INSL6: variants seen among roughly 807,000 people sequenced by gnomAD.
The protein encoded by INSL6 is insulin-like peptide INSL6.
A neutral mutation model predicts 9.4 loss-of-function variants in INSL6; 16 were observed. That is an observed-to-expected ratio of 1.70 (90% CI 1.15 to 2.59). The LOEUF (loss-of-function observed/expected upper bound fraction) is 2.59. INSL6 is among the 30% of genes most tolerant of loss of function. The pLI, the probability that INSL6 is intolerant of heterozygous loss-of-function variation, is 0.00. For missense variants in INSL6, 391 were observed against 257.3 expected, an observed-to-expected ratio of 1.52 and a Z score of -3.56; for synonymous variants, 154 against 96.9, an observed-to-expected ratio of 1.59 and a Z score of -3.46.
At chr9:5,174,721 G>A (rs985068895) in intron 1 of INSL6, among the ~76,000 whole-genome samples, 1 of 152,100 alleles carries the variant, frequency 6.6e-6, no homozygotes, top group Non-Finnish European at 1.5e-5. Context: ...TCAAACTCCA[G>A]ATTTATATAC....
chr9:5,098,425 A>G, the INSL6 span: 2 of 152,202 alleles, frequency 1.3e-5, no homozygotes, highest in Non-Finnish European at 2.9e-5. Context: ...CCACGTTCTT[A>G]TAATTATTTT....
chr9:5,097,542 AACAGAC>A, the INSL6 span: 2 of 152,144 alleles, frequency 1.3e-5, no homozygotes, highest in African/African-American at 4.8e-5. Context: ...TTACAGTAGG[AACAGAC>A]ATAGACACAG....
chr9:5,112,549 G>A, the INSL6 span: 3 of 605,570 alleles, frequency 5.0e-6, no homozygotes, highest in East Asian at 3.0e-5. Context: ...GAAGCAGGTG[G>A]CCAATAACGC....
the INSL6 span, chr9:5,096,890 TGGG>T: frequency 6.6e-6 from 1 of 152,170 alleles, no homozygotes; most frequent in Non-Finnish European, 1.5e-5. Context: ...CAATTATAAT[TGGG>T]GGTTTCGGCA....
At chr9:5,121,679 A>C (rs1331460119), downstream of INSL6, among the ~76,000 whole-genome samples, 3 of 152,214 alleles carry the variant, frequency 2.0e-5, no homozygotes, top group African/African-American at 7.2e-5. Flanking sequence ...CATACACTTC[A>C]AAAAGACAAA....
chr9:5,090,972 G>T, the INSL6 span: 1 of 1,069,040 alleles, frequency 9.4e-7, no homozygotes. Context: ...CTTTATTGTT[G>T]TTATTTAATA....
At chr9:5,155,089 T>C (rs1044994106) in intron 2 of INSL6, among the ~76,000 whole-genome samples, 6 of 151,508 alleles carry the variant, frequency 4.0e-5, no homozygotes, top group South Asian at 4.2e-4. Context: ...TGTCCAACAA[T>C]GATAGACTGG....
the INSL6 span, among the ~76,000 whole-genome samples, chr9:5,046,844 A>G: frequency 1.3e-5 from 2 of 152,114 alleles, no homozygotes; most frequent in South Asian, 4.1e-4. Context: ...CGGGTATATT[A>G]TTTCACCTGT....
the INSL6 span, among the ~76,000 whole-genome samples, chr9:4,996,178 G>T: frequency 6.6e-6 from 1 of 152,158 alleles, no homozygotes; most frequent in Non-Finnish European, 1.5e-5. Context: ...ATTTTAGAGG[G>T]TCAAATTTAG....
chr9:5,037,531 A>G, the INSL6 span, among the ~76,000 whole-genome samples: 1 of 152,242 alleles, frequency 6.6e-6, no homozygotes, highest in Non-Finnish European at 1.5e-5. Flanking sequence ...GCAGCCATGA[A>G]AAATGATGAG....
the INSL6 span, among the ~76,000 whole-genome samples, chr9:5,038,346 A>G: frequency 4.6e-5 from 7 of 152,196 alleles, no homozygotes; most frequent in Admixed American, 2.0e-4. Context: ...TGTGAATTCT[A>G]TCACACATTA....
chr9:5,066,797 T>A, the INSL6 span: 1 of 1,307,736 alleles, frequency 7.6e-7, no homozygotes. Context: ...GAGGTTAGTA[T>A]GTCACACTTA....
At chr9:5,145,437 G>T (rs1449415158) in intron 2 of INSL6, among the ~76,000 whole-genome samples, 1 of 152,042 alleles carries the variant, frequency 6.6e-6, no homozygotes, top group African/African-American at 2.4e-5. Flanking sequence ...AAGCATCCTG[G>T]GGTTGATCTT....
chr9:5,171,385 A>C (rs1248799350), intron 1 of INSL6, among the ~76,000 whole-genome samples: 1 of 152,176 alleles, frequency 6.6e-6, no homozygotes. Context: ...TATCATACTG[A>C]ATGGGTAAAG....
the INSL6 span, among the ~76,000 whole-genome samples, chr9:5,032,132 C>T: frequency 1.2e-4 from 18 of 152,230 alleles, no homozygotes; most frequent in Admixed American, 7.8e-4. Context: ...GTCCTACGCC[C>T]ACGGAGCCTC....
intron 1 of INSL6, among the ~76,000 whole-genome samples, chr9:5,165,482 T>C (rs1056254321): frequency 6.6e-6 from 1 of 152,204 alleles, no homozygotes; most frequent in African/African-American, 2.4e-5. Flanking sequence ...TGCACAGTGG[T>C]AGCTCACTAT....
At chr9:5,022,044 A>T in the INSL6 span, 2 of 1,614,172 alleles carry the variant, frequency 1.2e-6, no homozygotes, top group Middle Eastern at 1.6e-4. Flanking sequence ...CCTCTTCTAT[A>T]TATCAGAATG....
the INSL6 span, among the ~76,000 whole-genome samples, chr9:5,060,988 C>T: frequency 1.3e-5 from 2 of 152,208 alleles, no homozygotes; most frequent in South Asian, 2.1e-4. Context: ...TCTGTCAGAG[C>T]GCTTGGGTGA....
the INSL6 span, among the ~76,000 whole-genome samples, chr9:4,995,822 C>G: frequency 6.6e-6 from 1 of 152,054 alleles, no homozygotes; most frequent in African/African-American, 2.4e-5. Flanking sequence ...TTGAATTTAA[C>G]CTTGGTTTTC....
Sources: gnomAD v4.1 joint callset for allele counts (sites outside exome capture counted in the v4.1 genomes callset) on GRCh38, gnomAD v4.1.1 for gene constraint, MANE v1.5 for transcripts, NCBI Gene and HGNC (gene_info 2026-07-23, HGNC 2026-07-21) for gene names.